Variants in CSMD1 observed in about 807,000 individuals in gnomAD.
CSMD1 encodes CUB and Sushi multiple domains 1, also known as CUB and sushi domain-containing protein 1.
Under a neutral mutation model 417.5 loss-of-function variants are expected in CSMD1, and 213 were observed. The ratio of observed to expected loss-of-function variants is 0.51; its 90% CI spans 0.46 to 0.57. The LOEUF (loss-of-function observed/expected upper bound fraction) is 0.57. Ranked by LOEUF, CSMD1 falls within the 20% of genes least tolerant of loss-of-function variation. CSMD1 has a pLI of 0.00. For missense variants in CSMD1, 6,923 were observed against 4,529.7 expected (o/e 1.53, Z -15.17); for synonymous variants, 2,862 against 1,736.8 (o/e 1.65, Z -16.11).
chr8:4,704,394 A>T (rs1463297332), intron 1 of CSMD1, among the ~76,000 whole-genome samples: 1 of 152,192 alleles, frequency 6.6e-6, no homozygotes, highest in East Asian at 1.9e-4. Flanking sequence ...TCAGTTGTTT[A>T]TTTACTTATC....
At chr8:4,892,410 G>A (rs866119715) in intron 1 of CSMD1, among the ~76,000 whole-genome samples, 2 of 151,990 alleles carry the variant, frequency 1.3e-5, no homozygotes, top group Non-Finnish European at 2.9e-5. Context: ...ACAGCCCTGC[G>A]TCCTGTGTCC....
chr8:4,602,988 TAA>T (rs1480065478), intron 2 of CSMD1, among the ~76,000 whole-genome samples: 12 of 152,106 alleles, frequency 7.9e-5, no homozygotes. Context: ...TGTAATTTAG[TAA>T]AGACTGAACT....
At chr8:3,091,454 A>C in intron 48 of CSMD1, 62 bp downstream of exon 48, 1 of 1,265,558 alleles carries the variant, frequency 7.9e-7, no homozygotes, top group Admixed American at 2.6e-5. Flanking sequence ...AAATTGTTTT[A>C]TTCAATGAAA....
At chr8:4,743,838 C>G (rs1810779757) in intron 1 of CSMD1, among the ~76,000 whole-genome samples, 1 of 152,188 alleles carries the variant, frequency 6.6e-6, no homozygotes, top group South Asian at 2.1e-4. Flanking sequence ...AAGCAAGCTT[C>G]TTGCGGTCCA....
At chr8:3,862,467 G>A (rs982090008) in intron 5 of CSMD1, among the ~76,000 whole-genome samples, 1 of 152,050 alleles carries the variant, frequency 6.6e-6, no homozygotes, top group African/African-American at 2.4e-5. Flanking sequence ...ATTCAAATGT[G>A]AGCCTTTCGC....
chr8:3,380,947 T>G (rs994122469), intron 18 of CSMD1, among the ~76,000 whole-genome samples: 25 of 151,980 alleles, frequency 1.6e-4, no homozygotes, highest in African/African-American at 6.0e-4. Flanking sequence ...AAGTTACCAA[T>G]GCTCAAAGAA....
Position 3,018,523 on chromosome 8 carries a change from C to G in CSMD1, c.7983G>C (p.Glu2661Asp), listed in dbSNP as rs746113745. ...GYTLVGSHVR[E>D]CLANGLWSGS... is the part of the protein sequence containing the mutation. The stretch of plus-strand genomic sequence containing the variant: ...CGCTCCAGAGCCCATTTGCCAAGCA[C>G]TCTCTGACATGAGACCCCACAAGCG... Residue 2661 changes from glutamate (E) to aspartate (D), a missense_variant, in exon 52 of 70, where the codon GAG becomes GAC. Physicochemically the swap from Glu to Asp is conservative, Grantham distance 45. Coordinates refer to ENST00000635120, the MANE Select transcript of CSMD1 (RefSeq NM_033225.6). The G allele has an allele frequency of 1.2e-6, 2 of 1,613,840 alleles. No individual in the cohort carries two copies. The highest frequency in any genetic ancestry group is 1.7e-6 in the Non-Finnish European group (2 of 1,179,842).
chr8:3,752,790 T>G (rs1049506425), intron 6 of CSMD1, among the ~76,000 whole-genome samples: 1 of 147,774 alleles, frequency 6.8e-6, no homozygotes, highest in Non-Finnish European at 1.5e-5. Flanking sequence ...GGGTGGCAAA[T>G]AAAGACTGCT....
chr8:3,265,693 G>C (rs931278935), intron 26 of CSMD1, among the ~76,000 whole-genome samples: 1 of 152,218 alleles, frequency 6.6e-6, no homozygotes, highest in Non-Finnish European at 1.5e-5. Context: ...ATATAAGTGA[G>C]AATCTGAAGA....
chr8:3,995,757 A>G (rs952605602), intron 5 of CSMD1, among the ~76,000 whole-genome samples: 3 of 152,232 alleles, frequency 2.0e-5, no homozygotes, highest in Non-Finnish European at 2.9e-5. Context: ...AAGTCATCCC[A>G]AGAATACAAG....
At chr8:3,189,750 T>C (rs1169690671) in intron 34 of CSMD1, among the ~76,000 whole-genome samples, 162 bp downstream of exon 34, 1 of 134,872 alleles carries the variant, frequency 7.4e-6, no homozygotes, top group African/African-American at 2.5e-5. Context: ...ACAATAATTT[T>C]TAGGGTTTGG....
chr8:3,122,894 A>G (rs1054097165), intron 41 of CSMD1, among the ~76,000 whole-genome samples: 12 of 152,122 alleles, frequency 7.9e-5, no homozygotes, highest in Middle Eastern at 3.2e-3. Flanking sequence ...AGTGTTTCTC[A>G]GTTGTTTTTG....
At chr8:3,400,566 A>T (rs7001593) in intron 15 of CSMD1, among the ~76,000 whole-genome samples, 1 of 151,686 alleles carries the variant, frequency 6.6e-6, no homozygotes, top group Non-Finnish European at 1.5e-5. Context: ...AAATTTATGG[A>T]AACTGCATGA....
At chr8:4,759,154 C>G (rs1811863608) in intron 1 of CSMD1, among the ~76,000 whole-genome samples, 1 of 152,156 alleles carries the variant, frequency 6.6e-6, no homozygotes, top group Non-Finnish European at 1.5e-5. Flanking sequence ...TTGTAAAGGC[C>G]TCAGCCTGCC....
intron 5 of CSMD1, among the ~76,000 whole-genome samples, chr8:3,945,477 T>G (rs1387380207): frequency 1.3e-5 from 2 of 152,098 alleles, no homozygotes; most frequent in Non-Finnish European, 2.9e-5. Flanking sequence ...TCTTAGTTAC[T>G]CTTCAACTGT....
intron 1 of CSMD1, among the ~76,000 whole-genome samples, chr8:4,780,131 C>T (rs4875380): frequency 0.89 from 135,609 of 152,242 alleles, 61,302 homozygotes; most frequent in Non-Finnish European, 0.97. Flanking sequence ...ACTACAGTCA[C>T]AGACTTGTGC....
chr8:4,932,577 T>G (rs533807356), intron 1 of CSMD1, among the ~76,000 whole-genome samples: 5 of 152,322 alleles, frequency 3.3e-5, no homozygotes, highest in African/African-American at 1.2e-4. Flanking sequence ...GTCTTAGAAA[T>G]ATGATACTGC....
chr8:4,220,902 AAGT>A (rs1800990435), intron 3 of CSMD1, among the ~76,000 whole-genome samples: 1 of 152,280 alleles, frequency 6.6e-6, no homozygotes, highest in African/African-American at 2.4e-5. Flanking sequence ...TGGGAGGAAT[AAGT>A]AGGCTTCCTG....
chr8:2,979,609 G>C (rs148110570), intron 54 of CSMD1, among the ~76,000 whole-genome samples: 60 of 152,340 alleles, frequency 3.9e-4, no homozygotes, highest in African/African-American at 1.4e-3. Flanking sequence ...CTGTGCAAAT[G>C]AATCTCGGGC....
Sources: allele counts gnomAD v4.1 joint callset (sites outside exome capture counted in the v4.1 genomes callset), GRCh38; gene constraint gnomAD v4.1.1; transcripts MANE v1.5; gene names NCBI Gene and HGNC (gene_info 2026-07-23, HGNC 2026-07-21).